The following CDK5RAP2 variants were observed in gnomAD, a reference collection of about 807,000 sequenced individuals.
CDK5RAP2 encodes CDK5 regulatory subunit-associated protein 2.
Under a neutral mutation model 232.9 loss-of-function variants are expected in CDK5RAP2, and 147 were observed. That is an observed-to-expected ratio of 0.63 (90% CI 0.55 to 0.72). The LOEUF is 0.72. Among genes scored for constraint, CDK5RAP2 ranks in the 30% least tolerant of loss-of-function variants. The probability of loss-of-function intolerance (pLI) is 0.00; values close to 1 mark genes in which losing one functional copy is unlikely to be tolerated. For synonymous variants in CDK5RAP2, 833 were observed against 833.7 expected, an observed-to-expected ratio of 1.00 and a Z score of 0.01; for missense variants, 2,195 against 2,231.5, an observed-to-expected ratio of 0.98 and a Z score of 0.33.
chr9:120,430,352 A>G (rs1307998886), intron 25 of CDK5RAP2, among the ~76,000 whole-genome samples: 2 of 151,866 alleles, frequency 1.3e-5, no homozygotes, highest in African/African-American at 2.4e-5. Context: ...AAATTTTTGC[A>G]ACCTACTCAT....
chr9:120,493,901 G>A lies in CDK5RAP2; in HGVS notation c.1312-2424C>T, dbSNP rs568433451. Among the ~76,000 whole-genome samples, 14 of 152,230 alleles carry A rather than the reference G, an allele frequency of 9.2e-5. No individual in the cohort carries two copies. The South Asian group carries it at 2.9e-3, about 32-fold the overall frequency. On this transcript the variant is annotated intron_variant, in intron 12 of 37. Transcript: ENST00000349780. Reference sequence around the variant, plus strand: ...GAGGTCAGGAGTTTGAGACCAGCTTGGCCAACATGGCGAAACTCTGTCTCC... The same window carrying A: ...GAGGTCAGGAGTTTGAGACCAGCTTAGCCAACATGGCGAAACTCTGTCTCC...
intron 5 of CDK5RAP2, among the ~76,000 whole-genome samples, chr9:120,545,282 T>C (rs1039042930): frequency 2.0e-5 from 3 of 152,152 alleles, no homozygotes; most frequent in African/African-American, 2.4e-5. Flanking sequence ...CTCACAAATA[T>C]ATTGTTGAGG....
Position 120,437,322 on chromosome 9 carries a change from C to A in CDK5RAP2, c.3928G>T (p.Glu1310Ter), listed in dbSNP as rs1013937467. ...TTGAGAAATAGCTTTTCCAATTTCT[C>A]CAGCAGCTCAGCACATTGATTCAGC... Reference protein sequence around the residue: ...EQLNQCAELLEKLEKLFLNGK... With the variant: ...EQLNQCAELL The change falls in exon 25 of 38, where the codon GAG (glutamate) becomes TAG (stop). Residue 1310 changes from glutamate (E) to a stop codon, truncating the protein, a stop_gained. Transcript: ENST00000349780. LOFTEE classifies it high-confidence loss of function. 3.7e-6 allele frequency: 6 copies of A among 1,613,734 alleles called. No homozygotes were observed. Among genetic ancestry groups the A allele is most frequent in the Non-Finnish European group, 8.5e-7 (1 of 1,179,866 alleles).
intron 22 of CDK5RAP2, among the ~76,000 whole-genome samples, chr9:120,445,464 TG>T (rs1400549516): frequency 6.6e-6 from 1 of 152,234 alleles, no homozygotes; most frequent in Admixed American, 6.5e-5. Flanking sequence ...CCATGCTTGC[TG>T]TCTCCAATCT....
intron 12 of CDK5RAP2, among the ~76,000 whole-genome samples, chr9:120,511,677 A>G (rs1252841065): frequency 6.7e-6 from 1 of 150,126 alleles, no homozygotes; most frequent in African/African-American, 2.4e-5. Context: ...CCCTGCCAGG[A>G]GCTACCAGTT....
chr9:120,406,739 A>G, intron 32 of CDK5RAP2: 1 of 520,592 alleles, frequency 1.9e-6, no homozygotes, highest in Non-Finnish European at 3.4e-6. Flanking sequence ...CTAAATGGAT[A>G]GGAGGGAGCA....
At chr9:120,472,342 G>A (rs1270826429) in intron 15 of CDK5RAP2, among the ~76,000 whole-genome samples, 2 of 152,172 alleles carry the variant, frequency 1.3e-5, no homozygotes, top group Non-Finnish European at 2.9e-5. Context: ...TGAAAATAAC[G>A]TAATTCTCCA....
rs921771600 is a variant in CDK5RAP2 at position 120,403,887 on chromosome 9, C to T, written c.5041+149G>A. 4.8e-5 allele frequency: 33 copies of T among 689,240 alleles called. No homozygotes were observed. The Middle Eastern group carries it at 1.3e-3, about 27-fold the overall frequency. 42.7% of individuals were successfully genotyped at this position (689,240 alleles called of 1,614,324 possible). On this transcript the variant is annotated intron_variant, in intron 33 of 37. Coordinates refer to ENST00000349780, the MANE Select transcript of CDK5RAP2 (RefSeq NM_018249.6). The surrounding 1 kb of genome is among the most constrained non-coding windows in gnomAD (Gnocchi z 4.2). ...GATTAACTGGCTTGAAGGAGAAGAT[C>T]ACCAGCTGGGGATGCTGAGAACTTG...
At chr9:120,577,274 T>C (rs2043069379) in intron 1 of CDK5RAP2, among the ~76,000 whole-genome samples, 2 of 151,354 alleles carry the variant, frequency 1.3e-5, no homozygotes, top group Non-Finnish European at 2.9e-5. Context: ...ACCATGAGAA[T>C]TGCTTGAACT....
rs2033203868 is a variant in CDK5RAP2, at chr9:120,403,374, C to T, written c.5042-303G>A. Reference sequence around the variant, plus strand: ...CAAGCTGGTGCCTGCATTCCAGTAGCCCACAGTCTGATCAGAACACAGACA... The same window carrying T: ...CAAGCTGGTGCCTGCATTCCAGTAGTCCACAGTCTGATCAGAACACAGACA... On this transcript the variant is annotated intron_variant, in intron 33 of 37. Coordinates refer to ENST00000349780, the MANE Select transcript of CDK5RAP2 (RefSeq NM_018249.6). This position sits in a 1 kb window ranked among gnomAD's most constrained non-coding sequence, Gnocchi z 4.2. 1 of 428,338 alleles carries T rather than the reference C, an allele frequency of 2.3e-6. No homozygotes were observed. Among genetic ancestry groups the T allele is most frequent in the Non-Finnish European group, 4.3e-6 (1 of 230,312 alleles). 26.5% of individuals were successfully genotyped at this position (428,338 alleles called of 1,614,324 possible).
At chr9:120,496,126 C>T (rs1588484640) in intron 12 of CDK5RAP2, among the ~76,000 whole-genome samples, 9 of 82,440 alleles carry the variant, frequency 1.1e-4, no homozygotes, top group Non-Finnish European at 1.6e-4. Context: ...CCCCTCTGCC[C>T]GGCCAGCCGC....
chr9:120,440,044 C>T lies in CDK5RAP2; in HGVS notation c.3149-72G>A, dbSNP rs915373871. 1.4e-5 allele frequency: 19 copies of T among 1,383,520 alleles called. No homozygotes were observed. The Middle Eastern group carries it at 5.3e-4, about 39-fold the overall frequency. The allele number at this position is 1,383,520 out of a possible 1,614,324, so 85.7% of individuals were successfully genotyped here. On this transcript the variant is annotated intron_variant, in intron 23 of 37. Coordinates refer to ENST00000349780, the MANE Select transcript of CDK5RAP2 (RefSeq NM_018249.6). The stretch of plus-strand genomic sequence containing the variant: ...AAACCCTCTCTCCTTCCTCACAGCC[C>T]TAGCCAAGCCAAGACCACTGCAGTG...
chr9:120,464,165 C>T (rs1446310087), intron 18 of CDK5RAP2, among the ~76,000 whole-genome samples: 1 of 152,158 alleles, frequency 6.6e-6, no homozygotes, highest in Non-Finnish European at 1.5e-5. Context: ...TGAAACCCCA[C>T]GCTGTTACTC....
chr9:120,577,747 T>C (rs2043088470), intron 1 of CDK5RAP2, among the ~76,000 whole-genome samples: 1 of 152,116 alleles, frequency 6.6e-6, no homozygotes, highest in Non-Finnish European at 1.5e-5. Flanking sequence ...TGATAAACAC[T>C]GAGGCTCACA....
At chr9:120,458,669 A>T (rs1297640739) in intron 19 of CDK5RAP2, 47 bp from the exon 20 acceptor site, 6 of 1,569,578 alleles carry the variant, frequency 3.8e-6, no homozygotes, top group Non-Finnish European at 5.3e-6. Context: ...GGAGGAAGGG[A>T]ATGGGGTGTG....
At chr9:120,446,691 C>T (rs1208706850) in intron 22 of CDK5RAP2, among the ~76,000 whole-genome samples, 1 of 152,160 alleles carries the variant, frequency 6.6e-6, no homozygotes, top group African/African-American at 2.4e-5. Flanking sequence ...CTCCCTCTTC[C>T]TCACTCCACT....
At chr9:120,564,511 A>G (rs2042578544) in intron 3 of CDK5RAP2, among the ~76,000 whole-genome samples, 1 of 151,608 alleles carries the variant, frequency 6.6e-6, no homozygotes, top group African/African-American at 2.4e-5. Context: ...AAAATAAAAA[A>G]TCATACAACT....
intron 11 of CDK5RAP2, among the ~76,000 whole-genome samples, chr9:120,524,091 TGTGC>T (rs2040793785): frequency 6.6e-6 from 1 of 152,194 alleles, no homozygotes; most frequent in Non-Finnish European, 1.5e-5. Context: ...TTTGGGAACC[TGTGC>T]AAGCTACTAG....
At position 120,447,848 on chromosome 9, in the gene CDK5RAP2, G is replaced by A. The variant is rs374500523; in HGVS notation, c.3025+47C>T. 1,291 of 1,326,606 alleles carry A rather than the reference G, an allele frequency of 9.7e-4. 24 individuals carry two copies. The South Asian group carries it at 0.012, about 12-fold the overall frequency. The allele number at this position is 1,326,606 out of a possible 1,614,324, so 82.2% of individuals were successfully genotyped here. ...GGTTGACATTTCAAGCAGTTCTATC[G>A]AGCCGTTTGTCTAGCTCACAGGGAA... On this transcript the variant is annotated intron_variant, in intron 22 of 37. Coordinates refer to ENST00000349780, the MANE Select transcript of CDK5RAP2 (RefSeq NM_018249.6).
Sources: gnomAD v4.1 joint callset for allele counts (sites outside exome capture counted in the v4.1 genomes callset) on GRCh38, gnomAD v4.1.1 for gene constraint, Gnocchi (gnomAD v3.1) non-coding constraint, MANE v1.5 for transcripts, NCBI Gene and HGNC (gene_info 2026-07-23, HGNC 2026-07-21) for gene names.